Variants in MLKL observed in about 807,000 individuals in gnomAD.
The protein encoded by MLKL is mixed lineage kinase domain-like protein.
A neutral mutation model predicts 56.5 loss-of-function variants in MLKL; 55 were observed. The ratio of observed to expected loss-of-function variants is 0.97; its 90% CI spans 0.78 to 1.22. MLKL has a LOEUF of 1.22. Among genes scored for constraint, MLKL ranks in the 50% most tolerant of loss-of-function variants. The pLI is 0.00. For missense variants in MLKL, 694 were observed against 573.9 expected, an observed-to-expected ratio of 1.21 and a Z score of -2.14; for synonymous variants, 251 against 208.3, an observed-to-expected ratio of 1.20 and a Z score of -1.76.
rs774255184 is a variant in MLKL at position 74,678,989 on chromosome 16, G to C, written c.957-9C>G. On this transcript the variant is annotated splice_polypyrimidine_tract_variant and intron_variant, in intron 6 of 10. Transcript: ENST00000308807. ...CTTCTGAATGGTGTAGCCTGACACAGCCAAAGGCGGGGAGCATAAGTACCT... is the reference window on the plus strand; with the variant it reads ...CTTCTGAATGGTGTAGCCTGACACACCCAAAGGCGGGGAGCATAAGTACCT... 6.2e-7 allele frequency: 1 copy of C among 1,612,732 alleles called. No individual in the cohort carries two copies. Among genetic ancestry groups the C allele is most frequent in the South Asian group, 1.1e-5 (1 of 91,042 alleles).
At chr16:74,683,585 C>T (rs561433594) in intron 5 of MLKL, among the ~76,000 whole-genome samples, 1 of 141,400 alleles carries the variant, frequency 7.1e-6, no homozygotes, top group East Asian at 2.0e-4. Flanking sequence ...CAGAATGAGA[C>T]TCTGTCTCAA....
intron 1 of MLKL, 130 bp from the exon 2 acceptor site, chr16:74,695,889 T>C (rs1961008571): frequency 2.5e-6 from 2 of 814,988 alleles, no homozygotes. Flanking sequence ...TCATGCAAGA[T>C]AGAGATGGTT....
At chr16:74,693,425 G>A (rs1417422704) in intron 2 of MLKL, among the ~76,000 whole-genome samples, 1 of 129,776 alleles carries the variant, frequency 7.7e-6, no homozygotes, top group East Asian at 2.4e-4. Context: ...CCAAGATCGT[G>A]TCACTGCACT....
intron 1 of MLKL, among the ~76,000 whole-genome samples, chr16:74,696,852 G>C (rs1961071375): frequency 6.7e-6 from 1 of 149,764 alleles, no homozygotes. Context: ...CAGCTACTCG[G>C]AGGGCTAAGC....
intron 2 of MLKL, among the ~76,000 whole-genome samples, chr16:74,694,021 A>G (rs1254558833): frequency 1.3e-5 from 2 of 152,212 alleles, no homozygotes; most frequent in Non-Finnish European, 2.9e-5. Context: ...AAACAAAACA[A>G]AACAGTAGGG....
intron 5 of MLKL, 58 bp from the exon 6 acceptor site, chr16:74,682,844 T>G (rs1366197660): frequency 1.9e-5 from 30 of 1,594,932 alleles, no homozygotes; most frequent in Non-Finnish European, 2.4e-5. Flanking sequence ...TTCCCATGTC[T>G]GCAGCCCACC....
intron 6 of MLKL, among the ~76,000 whole-genome samples, chr16:74,679,783 C>A (rs1041092729): frequency 6.6e-6 from 1 of 152,102 alleles, no homozygotes; most frequent in South Asian, 2.1e-4. Context: ...CCACTATACT[C>A]CAGCCTGGGC....
chr16:74,682,029 T>C (rs1199426250), intron 6 of MLKL, among the ~76,000 whole-genome samples: 1 of 152,014 alleles, frequency 6.6e-6, no homozygotes, highest in African/African-American at 2.4e-5. Flanking sequence ...GAGGATTGCT[T>C]GAGCCCAGTA....
At position 74,678,447 on chromosome 16, in the gene MLKL, A is replaced by G. The variant is rs573077996; in HGVS notation, c.1038+452T>C. The G allele has an allele frequency of 2.3e-5, 4 of 170,284 alleles. No homozygotes were observed. The South Asian group carries it at 5.8e-4, about 25-fold the overall frequency. 10.5% of individuals were successfully genotyped at this position (170,284 alleles called of 1,614,324 possible). On this transcript the variant is annotated intron_variant, in intron 7 of 10. Transcript: ENST00000308807. ...GTGTGGTGGGCACACAGAAAGTTGA[A>G]GTTAGTTCTGAAACTAAAAAACTAA...
In MLKL at chr16:74,694,662, C is replaced by A. The variant is rs551251189; in HGVS notation, c.460+636G>T. On this transcript the variant is annotated intron_variant, in intron 2 of 10. Transcript: ENST00000308807. ...GTGCACACCTATAGTACCAGCCACT[C>A]GGGAGCCTGAGGTGGGAGGATCACT... Among the ~76,000 whole-genome samples, 17 of 152,142 alleles carry A rather than the reference C, an allele frequency of 1.1e-4. No individual in the cohort carries two copies. In the East Asian group the frequency reaches 3.1e-3, roughly 28 times the overall value.
chr16:74,688,025 C>T (rs150536124), intron 4 of MLKL, among the ~76,000 whole-genome samples: 1 of 152,294 alleles, frequency 6.6e-6, no homozygotes, highest in African/African-American at 2.4e-5. Flanking sequence ...CGGGTTTCAC[C>T]ATATTAGCCA....
chr16:74,692,557 A>G, intron 2 of MLKL, 141 bp from the exon 3 acceptor site: 4 of 640,826 alleles, frequency 6.2e-6, no homozygotes, highest in Non-Finnish European at 1.0e-5. Flanking sequence ...ACTGATCACC[A>G]ATATTCAGAT....
chr16:74,690,823 A>G (rs1960624618), intron 4 of MLKL, among the ~76,000 whole-genome samples: 1 of 145,492 alleles, frequency 6.9e-6, no homozygotes, highest in Non-Finnish European at 1.5e-5. Flanking sequence ...CAAAATGTGG[A>G]TCTTCACCAT....
At chr16:74,677,024 C>A (rs190196907) in intron 7 of MLKL, 4 of 152,182 alleles carry the variant, frequency 2.6e-5, no homozygotes, top group Non-Finnish European at 5.9e-5. Context: ...GATGGGAATG[C>A]TTTGTAGCAA....
chr16:74,684,104 C>T (rs761121175), intron 5 of MLKL, among the ~76,000 whole-genome samples: 4 of 151,784 alleles, frequency 2.6e-5, no homozygotes, highest in Admixed American at 6.6e-5. Context: ...CCCACCACCA[C>T]GCCCAGTTAA....
chr16:74,698,460 A>T (rs1325762007), intron 1 of MLKL, among the ~76,000 whole-genome samples: 1 of 152,160 alleles, frequency 6.6e-6, no homozygotes, highest in Admixed American at 6.6e-5. Flanking sequence ...AGTTACAGTG[A>T]TTGGGCAAGG....
intron 1 of MLKL, 148 bp downstream of exon 1, chr16:74,700,305 A>G (rs1961311738): frequency 6.6e-6 from 1 of 152,054 alleles, no homozygotes; most frequent in South Asian, 2.1e-4. Flanking sequence ...CAGCTCCACC[A>G]TCAGAGCTGA....
At chr16:74,694,986 C>A (rs1271776813) in intron 2 of MLKL, among the ~76,000 whole-genome samples, 3 of 152,154 alleles carry the variant, frequency 2.0e-5, no homozygotes, top group Non-Finnish European at 2.9e-5. Context: ...TGTTCTCCTG[C>A]CTCAGCCTCC....
At chr16:74,695,039 AT>A (rs1266831094) in intron 2 of MLKL, among the ~76,000 whole-genome samples, 1 of 151,974 alleles carries the variant, frequency 6.6e-6, no homozygotes, top group Non-Finnish European at 1.5e-5. Flanking sequence ...TGCCCGGCTA[AT>A]TTTTTGTATT....
Sources: gnomAD v4.1 joint callset for allele counts (sites outside exome capture counted in the v4.1 genomes callset) on GRCh38, gnomAD v4.1.1 for gene constraint, MANE v1.5 for transcripts, NCBI Gene and HGNC (gene_info 2026-07-23, HGNC 2026-07-21) for gene names.